The following MEGF10 variants were observed in gnomAD, a reference collection of about 807,000 sequenced individuals.
MEGF10 encodes the protein multiple epidermal growth factor-like domains protein 10.
A neutral mutation model predicts 147.5 loss-of-function variants in MEGF10; 86 were observed. That is an observed-to-expected ratio of 0.58 (90% confidence interval 0.49 to 0.70). The LOEUF (loss-of-function observed/expected upper bound fraction) is 0.70. Ranked by LOEUF, MEGF10 falls within the 30% of genes least tolerant of loss-of-function variation. The pLI, the probability that MEGF10 is intolerant of heterozygous loss-of-function variation, is 0.00. For missense variants in MEGF10, 1,329 were observed against 1,487.3 expected, an observed-to-expected ratio of 0.89 and a Z score of 1.75; for synonymous variants, 478 against 525.5, an observed-to-expected ratio of 0.91 and a Z score of 1.24.
intron 13 of MEGF10, among the ~76,000 whole-genome samples, chr5:127,429,831 T>C (rs544205448): frequency 6.6e-5 from 10 of 152,150 alleles, no homozygotes; most frequent in Non-Finnish European, 1.3e-4. Context: ...TCTGCCCTCC[T>C]ATAAAGCACA....
At chr5:127,306,195 G>A (rs1009138592) in intron 1 of MEGF10, among the ~76,000 whole-genome samples, 7 of 152,160 alleles carry the variant, frequency 4.6e-5, no homozygotes, top group African/African-American at 7.2e-5. Context: ...CCCCGGTGCC[G>A]TGTGGATCCA....
intron 5 of MEGF10, among the ~76,000 whole-genome samples, chr5:127,390,589 C>T (rs915778384): frequency 6.6e-6 from 1 of 152,088 alleles, no homozygotes; most frequent in African/African-American, 2.4e-5. Flanking sequence ...CTGTGCCTGG[C>T]CTTTTTAAAA....
chr5:127,352,825 G>A (rs185033), intron 4 of MEGF10, among the ~76,000 whole-genome samples: 58,992 of 152,100 alleles, frequency 0.39, 12,684 homozygotes, highest in Non-Finnish European at 0.49. Flanking sequence ...AAGAGAAACA[G>A]GTTGATTTGG....
the MEGF10 span, among the ~76,000 whole-genome samples, chr5:127,251,851 T>C: frequency 6.6e-6 from 1 of 151,906 alleles, no homozygotes; most frequent in Admixed American, 6.6e-5. Flanking sequence ...AGTAACATAA[T>C]AGACAACCTT....
At chr5:127,406,870 G>A (rs534239877) in intron 8 of MEGF10, among the ~76,000 whole-genome samples, 13 of 152,114 alleles carry the variant, frequency 8.5e-5, no homozygotes, top group Non-Finnish European at 7.3e-5. Context: ...TTCGAATGCC[G>A]ATAGTGCTGC....
chr5:127,445,753 C>A (rs1273031803), intron 20 of MEGF10, 60 bp downstream of exon 20: 3 of 1,236,634 alleles, frequency 2.4e-6, no homozygotes, highest in African/African-American at 1.5e-5. Context: ...CATTCGGGTT[C>A]TTTAAAACTG....
At chr5:127,443,155 C>G (rs1339674440) in intron 19 of MEGF10, 29 bp downstream of exon 19, 1 of 1,600,164 alleles carries the variant, frequency 6.2e-7, no homozygotes, top group South Asian at 1.1e-5. Flanking sequence ...GTTTGTAGCA[C>G]TGCAGTATTG....
chr5:127,314,828 T>C (rs1332702472), intron 1 of MEGF10, among the ~76,000 whole-genome samples: 2 of 152,210 alleles, frequency 1.3e-5, no homozygotes, highest in Non-Finnish European at 2.9e-5. Flanking sequence ...CTGTTTAAGT[T>C]AAATGATTAG....
the MEGF10 span, among the ~76,000 whole-genome samples, chr5:127,274,202 G>GTA: frequency 0.036 from 5,520 of 152,242 alleles, 154 homozygotes; most frequent in South Asian, 0.094. Context: ...GGAAAAAAAG[G>GTA]TAGGGGCAGA....
At chr5:127,244,365 C>A in the MEGF10 span, among the ~76,000 whole-genome samples, 1 of 144,554 alleles carries the variant, frequency 6.9e-6, no homozygotes, top group South Asian at 2.1e-4. Context: ...GTGCGAGACT[C>A]CGAAAAAAAA....
chr5:127,314,952 G>C (rs899176505), intron 1 of MEGF10, among the ~76,000 whole-genome samples: 1 of 152,070 alleles, frequency 6.6e-6, no homozygotes, highest in African/African-American at 2.4e-5. Flanking sequence ...AGTGCTTTTG[G>C]CTGCTGTTGT....
rs1164745139 is a variant in MEGF10, at chr5:127,445,529, A to G, written c.2564A>G (p.Gln855Arg). Residue 855 changes from glutamine (Q) to arginine (R), a missense_variant, in exon 20 of 25, where the codon CAG (glutamine) becomes CGG (arginine). Around this residue, in one of 3 missense-constraint regions of MEGF10, gnomAD observed 343 missense variants for 377.9 expected, o/e 0.91. Coordinates refer to ENST00000503335, the MANE Select transcript of MEGF10 (RefSeq NM_001256545.2). ...TSTALPADSY[Q>R]IGAIAGIIIL... is the part of the protein sequence containing the mutation. ...ACTGCTCTCCCTGCTGATTCCTACC[A>G]GATCGGGGCCATTGCAGGCATCATC... 1 of 1,614,116 alleles carries G rather than the reference A, an allele frequency of 6.2e-7. No homozygotes were observed.
intron 22 of MEGF10, among the ~76,000 whole-genome samples, chr5:127,451,770 G>T (rs1302564253): frequency 6.6e-6 from 1 of 152,186 alleles, no homozygotes; most frequent in African/African-American, 2.4e-5. Flanking sequence ...TTCTTGGTTT[G>T]TTCTCACTCA....
At chr5:127,313,983 C>G (rs764737347) in intron 1 of MEGF10, among the ~76,000 whole-genome samples, 3 of 152,136 alleles carry the variant, frequency 2.0e-5, no homozygotes, top group East Asian at 1.9e-4. Flanking sequence ...TCTGTAGGTT[C>G]GGGGAGATGC....
intron 4 of MEGF10, among the ~76,000 whole-genome samples, chr5:127,356,220 G>A (rs540141979): frequency 2.0e-5 from 3 of 152,304 alleles, no homozygotes; most frequent in South Asian, 2.1e-4. Context: ...GCCGGCCAGC[G>A]CTTTTACAGA....
the MEGF10 span, among the ~76,000 whole-genome samples, chr5:127,276,007 A>G: frequency 1.3e-5 from 2 of 152,328 alleles, no homozygotes; most frequent in East Asian, 3.9e-4. Context: ...CCCAAAGGGT[A>G]GTAGGGGTGG....
At chr5:127,237,352 C>T in the MEGF10 span, among the ~76,000 whole-genome samples, 2 of 151,988 alleles carry the variant, frequency 1.3e-5, no homozygotes, top group African/African-American at 2.4e-5. Flanking sequence ...ACTAGCTGGG[C>T]GTGGTGGTGG....
chr5:127,261,987 T>C, the MEGF10 span, among the ~76,000 whole-genome samples: 1 of 152,188 alleles, frequency 6.6e-6, no homozygotes, highest in Non-Finnish European at 1.5e-5. Context: ...GTTATAATAC[T>C]TTTTTATGTG....
chr5:127,450,992 C>G (rs1766136170), intron 22 of MEGF10, among the ~76,000 whole-genome samples: 1 of 152,154 alleles, frequency 6.6e-6, no homozygotes, highest in Non-Finnish European at 1.5e-5. Context: ...CTCCTGACCT[C>G]AAGTGATCTT....
Sources: gnomAD v4.1 joint callset for allele counts (sites outside exome capture counted in the v4.1 genomes callset) on GRCh38, gnomAD v4.1.1 for gene constraint, gnomAD v4.1.1 regional missense constraint, MANE v1.5 for transcripts, NCBI Gene and HGNC (gene_info 2026-07-23, HGNC 2026-07-21) for gene names.